RALGPS1: variants seen among roughly 807,000 people sequenced by gnomAD.
RALGPS1 encodes ras-specific guanine nucleotide-releasing factor RalGPS1.
RALGPS1 carries 19 observed loss-of-function variants against 78.8 expected under a neutral mutation model. The observed-to-expected ratio is 0.24, with a 90% CI of 0.17 to 0.35. The LOEUF (loss-of-function observed/expected upper bound fraction) is 0.35, where lower values mean the gene tolerates loss of function less well. RALGPS1 is among the 10% of genes least tolerant of loss of function. The probability of loss-of-function intolerance (pLI) is 1.00; values close to 1 mark genes in which losing one functional copy is unlikely to be tolerated. For missense variants in RALGPS1, 454 were observed against 688.3 expected (o/e 0.66, Z 3.81); for synonymous variants, 228 against 256.3 (o/e 0.89, Z 1.06).
chr9:127,049,876 T>C (rs1392374367), intron 5 of RALGPS1, among the ~76,000 whole-genome samples, 167 bp from the exon 6 acceptor site: 1 of 152,062 alleles, frequency 6.6e-6, no homozygotes, highest in Non-Finnish European at 1.5e-5. Flanking sequence ...CAGGGTTGGG[T>C]GCTGTAGAGG....
chr9:127,054,817 A>G (rs558858521), intron 7 of RALGPS1, among the ~76,000 whole-genome samples: 1 of 152,148 alleles, frequency 6.6e-6, no homozygotes, highest in Non-Finnish European at 1.5e-5. Flanking sequence ...CATCTCTGCA[A>G]ATATTCACAA....
At chr9:127,006,579 G>A (rs574321254) in intron 4 of RALGPS1, among the ~76,000 whole-genome samples, 1 of 152,266 alleles carries the variant, frequency 6.6e-6, no homozygotes, top group South Asian at 2.1e-4. Flanking sequence ...TTGAATGCTC[G>A]TTATGTGACA....
intron 8 of RALGPS1, among the ~76,000 whole-genome samples, chr9:127,140,284 G>T (rs1369018577): frequency 1.3e-5 from 2 of 152,210 alleles, no homozygotes; most frequent in Non-Finnish European, 2.9e-5. Flanking sequence ...GGATCAGATG[G>T]ACGTGCTGTG....
intron 8 of RALGPS1, among the ~76,000 whole-genome samples, chr9:127,112,713 G>A (rs1009979973): frequency 1.3e-5 from 2 of 152,208 alleles, no homozygotes; most frequent in Non-Finnish European, 2.9e-5. Context: ...CATCAGAAGC[G>A]GGAGATTGGA....
At chr9:127,083,175 C>A (rs2051350987) in intron 8 of RALGPS1, among the ~76,000 whole-genome samples, 1 of 152,236 alleles carries the variant, frequency 6.6e-6, no homozygotes, top group African/African-American at 2.4e-5. Flanking sequence ...TGTGACCCCT[C>A]CTTCTCTGGG....
intron 8 of RALGPS1, among the ~76,000 whole-genome samples, chr9:127,146,417 T>A (rs73595441): frequency 0.05 from 7,538 of 152,256 alleles, 643 homozygotes; most frequent in African/African-American, 0.17. Flanking sequence ...TTTATGGCTG[T>A]ATAGTATTCC....
chr9:127,196,737 C>G, intron 13 of RALGPS1, 106 bp downstream of exon 13: 1 of 1,354,540 alleles, frequency 7.4e-7, no homozygotes, highest in Non-Finnish European at 9.9e-7. Context: ...CGCTATCATT[C>G]TTGGGGACCC....
At chr9:127,006,157 A>G (rs1236916516) in intron 4 of RALGPS1, among the ~76,000 whole-genome samples, 1 of 152,242 alleles carries the variant, frequency 6.6e-6, no homozygotes, top group African/African-American at 2.4e-5. Context: ...GAACAAGACT[A>G]GGATGCCCAC....
intron 3 of RALGPS1, among the ~76,000 whole-genome samples, chr9:126,976,756 A>G (rs1368166323): frequency 6.6e-6 from 1 of 152,160 alleles, no homozygotes; most frequent in Non-Finnish European, 1.5e-5. Flanking sequence ...AAAGGTCTTC[A>G]GCTCTCCTCT....
At chr9:126,978,529 A>G (rs1416301658) in intron 4 of RALGPS1, among the ~76,000 whole-genome samples, 2 of 151,678 alleles carry the variant, frequency 1.3e-5, no homozygotes, top group Non-Finnish European at 2.9e-5. Context: ...GAATTGCTTG[A>G]ACCCAGGAGG....
intron 8 of RALGPS1, among the ~76,000 whole-genome samples, chr9:127,080,060 G>T (rs2051031912): frequency 6.6e-6 from 1 of 152,178 alleles, no homozygotes; most frequent in South Asian, 2.1e-4. Flanking sequence ...TTTGAGGTGG[G>T]GGGATTCGAT....
At chr9:127,195,252 A>G in intron 12 of RALGPS1, 35 bp downstream of exon 12, 1 of 1,601,724 alleles carries the variant, frequency 6.2e-7, no homozygotes, top group Non-Finnish European at 8.5e-7. Flanking sequence ...GCCGGGCTTC[A>G]GACCGTCCTG....
At chr9:127,161,226 G>A (rs527642976) in intron 8 of RALGPS1, among the ~76,000 whole-genome samples, 3 of 152,368 alleles carry the variant, frequency 2.0e-5, no homozygotes, top group East Asian at 1.9e-4. Flanking sequence ...CGCCATCCAC[G>A]GTTGTGGCAA....
intron 8 of RALGPS1, among the ~76,000 whole-genome samples, chr9:127,142,986 C>G (rs2057881674): frequency 6.6e-6 from 1 of 152,078 alleles, no homozygotes; most frequent in Non-Finnish European, 1.5e-5. Context: ...TATAACAATG[C>G]TGTAAAATTT....
intron 6 of RALGPS1, among the ~76,000 whole-genome samples, chr9:127,051,969 C>T (rs1186175691): frequency 1.3e-5 from 2 of 152,190 alleles, no homozygotes; most frequent in African/African-American, 4.8e-5. Context: ...AAGGCTGAGA[C>T]TCATATTGTA....
chr9:127,089,430 T>G (rs547759265), intron 8 of RALGPS1, among the ~76,000 whole-genome samples: 65 of 152,242 alleles, frequency 4.3e-4, no homozygotes, highest in African/African-American at 1.5e-3. Flanking sequence ...ACAGGGCGGC[T>G]CTGAGGATTG....
chr9:126,956,088 G>T (rs1346018501), intron 1 of RALGPS1, among the ~76,000 whole-genome samples: 1 of 152,216 alleles, frequency 6.6e-6, no homozygotes, highest in Admixed American at 6.5e-5. Flanking sequence ...CTACTCCCGA[G>T]GGTGTGGCAC....
At chr9:127,215,241 A>G (rs1285333924) in intron 18 of RALGPS1, among the ~76,000 whole-genome samples, 2 of 152,234 alleles carry the variant, frequency 1.3e-5, no homozygotes, top group African/African-American at 4.8e-5. Context: ...CCTTGGGAAT[A>G]ATGCGGCTAG....
intron 8 of RALGPS1, among the ~76,000 whole-genome samples, chr9:127,145,602 C>T (rs1049931148): frequency 1.3e-5 from 2 of 152,172 alleles, no homozygotes; most frequent in African/African-American, 2.4e-5. Context: ...TGACTCAGGC[C>T]GGGGAGGGCT....
Sources: allele counts gnomAD v4.1 joint callset (sites outside exome capture counted in the v4.1 genomes callset), GRCh38; gene constraint gnomAD v4.1.1; transcripts MANE v1.5; gene names NCBI Gene and HGNC (gene_info 2026-07-23, HGNC 2026-07-21).